The following TTC39B variants were observed in gnomAD, a reference collection of about 807,000 sequenced individuals.
TTC39B encodes tetratricopeptide repeat protein 39B.
In TTC39B, 92 loss-of-function variants were observed where a neutral mutation model predicts 96.6. The ratio of observed to expected loss-of-function variants is 0.95; its 90% confidence interval spans 0.80 to 1.13. TTC39B has a LOEUF of 1.13. Among genes scored for constraint, TTC39B ranks in the 50% most tolerant of loss-of-function variants. The pLI is 0.00. For missense variants in TTC39B, 955 were observed against 809.3 expected (o/e 1.18, Z -2.18); for synonymous variants, 367 against 299.4 (o/e 1.23, Z -2.33).
intron 2 of TTC39B, among the ~76,000 whole-genome samples, chr9:15,253,366 T>C (rs898207142): frequency 2.6e-5 from 4 of 152,198 alleles, no homozygotes; most frequent in African/African-American, 9.7e-5. Context: ...GCTTTGAAGA[T>C]GCAGGATGTG....
chr9:15,194,625 G>A (rs778398584), intron 8 of TTC39B, among the ~76,000 whole-genome samples: 17 of 152,230 alleles, frequency 1.1e-4, no homozygotes, highest in South Asian at 4.1e-4. Flanking sequence ...CAAGTCTATC[G>A]ATGCCATTTT....
intron 19 of TTC39B, among the ~76,000 whole-genome samples, chr9:15,174,179 T>C (rs1817806013): frequency 6.6e-6 from 1 of 152,242 alleles, no homozygotes; most frequent in Non-Finnish European, 1.5e-5. Context: ...GATATTTTTC[T>C]TGTCTATTTA....
chr9:15,240,462 G>A (rs1362618876), intron 2 of TTC39B, among the ~76,000 whole-genome samples: 3 of 151,872 alleles, frequency 2.0e-5, no homozygotes, highest in African/African-American at 4.8e-5. Flanking sequence ...TTATTTGTAG[G>A]GCGTGGGTAA....
At chr9:15,244,092 C>G (rs1586947937) in intron 2 of TTC39B, among the ~76,000 whole-genome samples, 1 of 152,318 alleles carries the variant, frequency 6.6e-6, no homozygotes, top group East Asian at 1.9e-4. Flanking sequence ...GCAAGCAAAT[C>G]AGACTCCTTC....
At chr9:15,297,974 G>A (rs991594998) in intron 1 of TTC39B, among the ~76,000 whole-genome samples, 1 of 152,162 alleles carries the variant, frequency 6.6e-6, no homozygotes, top group Non-Finnish European at 1.5e-5. Flanking sequence ...GTTTCCAGAA[G>A]AGACTGGCAT....
chr9:15,227,948 C>T (rs777327798), intron 2 of TTC39B, among the ~76,000 whole-genome samples: 31 of 151,898 alleles, frequency 2.0e-4, no homozygotes, highest in Non-Finnish European at 4.3e-4. Flanking sequence ...ATAGTTTTAC[C>T]TGTGTTTTAC....
chr9:15,171,887 T>C (rs766675368), exon 20 of TTC39B: 14 of 534,030 alleles, frequency 2.6e-5, no homozygotes, highest in Non-Finnish European at 3.8e-5. Flanking sequence ...TCTCAGATGA[T>C]AGAAAATATT....
exon 16 of TTC39B, chr9:15,185,376 G>A (rs758339076): frequency 3.3e-5 from 53 of 1,613,668 alleles, no homozygotes; most frequent in South Asian, 1.8e-4. Context: ...TAGATTTCCC[G>A]GCAATTCTCT....
chr9:15,182,405 T>C (rs768605675), exon 17 of TTC39B: 2 of 1,608,892 alleles, frequency 1.2e-6, no homozygotes, highest in Non-Finnish European at 8.5e-7. Flanking sequence ...ATTCCAGACA[T>C]ACATCATTTC....
chr9:15,252,507 C>T (rs569468154), intron 2 of TTC39B, among the ~76,000 whole-genome samples: 73 of 151,936 alleles, frequency 4.8e-4, no homozygotes, highest in Non-Finnish European at 9.7e-4. Context: ...AATTAGCCGG[C>T]CGTGGTGGCT....
intron 1 of TTC39B, among the ~76,000 whole-genome samples, chr9:15,276,221 T>A (rs1158719281): frequency 6.6e-6 from 1 of 152,248 alleles, no homozygotes; most frequent in Non-Finnish European, 1.5e-5. Flanking sequence ...TGCACCTGCC[T>A]GGCTCACCAT....
At position 15,307,125 on chromosome 9, in the gene TTC39B, T is replaced by C. The variant is rs1484758929; in HGVS notation, c.199A>G (p.Met67Val). ...TCCGCTCGGCTGCCTAAGAGCGCCA[T>C]ATTCCTCCTCTGGCTGCTGCCACCC... The change falls in exon 1 of 20, where the codon ATG becomes GTG. Residue 67 changes from methionine to valine, a missense_variant. Transcript: ENST00000512701. 2 of 1,610,034 alleles carry C rather than the reference T, an allele frequency of 1.2e-6. No homozygotes were observed. Among genetic ancestry groups the C allele is most frequent in the Non-Finnish European group, 1.7e-6 (2 of 1,178,128 alleles).
chr9:15,287,681 C>T (rs1180924421), intron 1 of TTC39B, among the ~76,000 whole-genome samples: 1 of 151,782 alleles, frequency 6.6e-6, no homozygotes, highest in Admixed American at 6.5e-5. Context: ...ACAAGAAAAC[C>T]TTTAGGGAAA....
chr9:15,235,762 A>C (rs1420118833), intron 2 of TTC39B, among the ~76,000 whole-genome samples: 1 of 152,220 alleles, frequency 6.6e-6, no homozygotes, highest in Non-Finnish European at 1.5e-5. Flanking sequence ...ACAAGCAAAT[A>C]CTAAGGGCAT....
At chr9:15,237,006 A>C (rs924550178) in intron 2 of TTC39B, among the ~76,000 whole-genome samples, 2 of 152,192 alleles carry the variant, frequency 1.3e-5, no homozygotes, top group African/African-American at 4.8e-5. Context: ...TTGAGACAAA[A>C]AAAAAAAGGC....
intron 1 of TTC39B, 76 bp from the exon 2 acceptor site, chr9:15,268,024 G>T: frequency 7.3e-7 from 1 of 1,376,244 alleles, no homozygotes; most frequent in South Asian, 1.2e-5. Flanking sequence ...AAGAGAAAAT[G>T]AATACACGCA....
At position 15,259,679 on chromosome 9, in the gene TTC39B, T is replaced by G. The variant is rs74568119; in HGVS notation, c.275+8235A>C. ...CTTAGGATGGTTCAACTTGCAATTT[T>G]CCAACATTATGATGGGTTTGTCAGG... On this transcript the variant is annotated intron_variant, in intron 2 of 19. Transcript: ENST00000512701. Among the ~76,000 whole-genome samples, 271 of 152,326 alleles carry G rather than the reference T, an allele frequency of 1.8e-3. 9 individuals are homozygous for G. In the East Asian group the frequency reaches 0.049, roughly 28 times the overall value.
At chr9:15,198,686 G>T (rs1049009475) in intron 8 of TTC39B, among the ~76,000 whole-genome samples, 2 of 151,526 alleles carry the variant, frequency 1.3e-5, no homozygotes, top group African/African-American at 4.8e-5. Context: ...AAAGAAGACA[G>T]GAAAAAAGGG....
intron 3 of TTC39B, among the ~76,000 whole-genome samples, chr9:15,223,105 A>C (rs1327902329): frequency 6.6e-6 from 1 of 152,248 alleles, no homozygotes. Flanking sequence ...GGTGCCCTTT[A>C]GGACAATGGC....
Sources: gnomAD v4.1 joint callset for allele counts (sites outside exome capture counted in the v4.1 genomes callset) on GRCh38, gnomAD v4.1.1 for gene constraint, MANE v1.5 for transcripts, NCBI Gene and HGNC (gene_info 2026-07-23, HGNC 2026-07-21) for gene names.